Variants in OGG1 observed in about 807,000 individuals in gnomAD.
OGG1 encodes the protein 8-oxoguanine DNA glycosylase.
In OGG1, 35 loss-of-function variants were observed where a neutral mutation model predicts 42.3. The ratio of observed to expected loss-of-function variants is 0.83; its 90% CI spans 0.63 to 1.10. The LOEUF (loss-of-function observed/expected upper bound fraction) is 1.10. OGG1 is among the 50% of genes least tolerant of loss of function. OGG1 has a pLI of 0.00. For synonymous variants in OGG1, 189 were observed against 179.0 expected (o/e 1.06, Z -0.44); for missense variants, 484 against 446.7 (o/e 1.08, Z -0.75).
intron 3 of OGG1, among the ~76,000 whole-genome samples, chr3:9,784,708 T>C (rs1575298563): frequency 6.6e-6 from 1 of 151,644 alleles, no homozygotes; most frequent in African/African-American, 2.4e-5. Context: ...CTACTAAAAA[T>C]ACAAAAATGA....
chr3:9,754,184 A>G (rs905879563), intron 3 of OGG1, among the ~76,000 whole-genome samples: 8 of 152,236 alleles, frequency 5.3e-5, no homozygotes, highest in African/African-American at 1.9e-4. Flanking sequence ...ACCTAGGTGC[A>G]AGATCTTATC....
At chr3:9,755,489 G>C (rs934144117) in intron 4 of OGG1, among the ~76,000 whole-genome samples, 3 of 149,302 alleles carry the variant, frequency 2.0e-5, no homozygotes, top group Admixed American at 1.3e-4. Flanking sequence ...TTTTGAGGTG[G>C]AGTCTTGCTT....
chr3:9,765,680 G>A lies in OGG1; in HGVS notation c.1049-129G>A, dbSNP rs2078120259. 30 of 1,512,682 alleles carry A rather than the reference G, an allele frequency of 2.0e-5. No homozygotes were observed. The South Asian group carries it at 3.4e-4, about 17-fold the overall frequency. 93.7% of individuals were successfully genotyped at this position (1,512,682 alleles called of 1,614,324 possible). A position where few individuals can be genotyped will look rare whatever the true frequency, so the allele number is the denominator to read the frequency against. On this transcript the variant is annotated intron_variant, in intron 7 of 7. Coordinates refer to the OGG1 transcript ENST00000302008. Reference sequence around the variant, plus strand: ...AAGGCTTAGAGAGTTTAAATGATTTGTCCAAAGCAGGAAAGGAGGAGGATG... The same window carrying A: ...AAGGCTTAGAGAGTTTAAATGATTTATCCAAAGCAGGAAAGGAGGAGGATG...
chr3:9,775,644 GT>G (rs71052204), intron 2 of OGG1, among the ~76,000 whole-genome samples: 5,661 of 142,002 alleles, frequency 0.04, 117 homozygotes, highest in Non-Finnish European at 0.053. Flanking sequence ...ATACCCAGAG[GT>G]TTTTTTTTTT....
At chr3:9,784,170 G>A (rs772218183) in intron 3 of OGG1, 1 of 1,613,886 alleles carries the variant, frequency 6.2e-7, no homozygotes, top group East Asian at 2.2e-5. Flanking sequence ...TGGGCAATTA[G>A]CTCCTCCTTG....
chr3:9,767,856 A>G, downstream of OGG1: 1 of 1,516,244 alleles, frequency 6.6e-7, no homozygotes, highest in Non-Finnish European at 8.8e-7. Context: ...GGCCCCATTC[A>G]GTCATTCAAC....
At chr3:9,757,720 G>A (rs372282347), downstream of OGG1, 451 of 1,614,030 alleles carry the variant, frequency 2.8e-4, no homozygotes, top group African/African-American at 4.5e-4. This position sits in a 1 kb window ranked among gnomAD's most constrained non-coding sequence, Gnocchi z 4.5. Flanking sequence ...TGCAGAGCCC[G>A]CTCCTCACCC....
chr3:9,784,186 G>A (rs2078549212), intron 3 of OGG1: 5 of 1,613,800 alleles, frequency 3.1e-6, no homozygotes, highest in African/African-American at 1.3e-5. Context: ...CCTTGATGCG[G>A]CTCTCCAGGG....
In OGG1 at chr3:9,756,505, AG is replaced by A. The variant is rs1199265019; in HGVS notation, c.783del (p.Lys261AsnfsTer145). 1.9e-6 allele frequency: 3 copies of A among 1,614,036 alleles called. No homozygotes were observed. The Admixed American group carries it at 5.0e-5, about 27-fold the overall frequency. Reference protein sequence around the residue: ...ADCICLMALDKPQAVPVDVHM... With the variant: ...ADCICLMALDXPQAVPVDVHM... ...TGCATCTGCCTGATGGCCCTAGACAAGCCCCAGGCTGTGCCCGTGGATGTCC... is the reference window on the plus strand; with the variant it reads ...TGCATCTGCCTGATGGCCCTAGACAACCCCAGGCTGTGCCCGTGGATGTCC... On this transcript the variant is annotated frameshift_variant, in exon 5 of 7. Coordinates refer to ENST00000344629, the MANE Select transcript of OGG1 (RefSeq NM_002542.6). LOFTEE classifies it high-confidence loss of function.
In OGG1 at chr3:9,762,996, C is replaced by T. The variant is rs756662184; in HGVS notation, c.1049-2813C>T. 3.7e-6 allele frequency: 6 copies of T among 1,614,156 alleles called. No individual in the cohort carries two copies. Among genetic ancestry groups the T allele is most frequent in the East Asian group, 4.5e-5 (2 of 44,878 alleles). ...CTGGAAGATGAGGCGGCTGGCGTCC[C>T]GCTCCGTGTAGAAGCCTTTTTCCAC... On this transcript the variant is annotated intron_variant, in intron 7 of 7. Transcript: ENST00000302008.
downstream of OGG1, chr3:9,757,611 A>G (rs2077643500): frequency 6.2e-7 from 1 of 1,614,080 alleles, no homozygotes; most frequent in African/African-American, 1.3e-5. The surrounding 1 kb of genome is among the most constrained non-coding windows in gnomAD (Gnocchi z 4.5). Flanking sequence ...AGCAACAGCC[A>G]GCTGCCGGCC....
downstream of OGG1, chr3:9,757,596 T>A (rs1318657008): frequency 6.2e-7 from 1 of 1,614,090 alleles, no homozygotes; most frequent in Admixed American, 1.7e-5. This position sits in a 1 kb window ranked among gnomAD's most constrained non-coding sequence, Gnocchi z 4.5. Flanking sequence ...CGCAGCAGTC[T>A]CGACAGCAAC....
chr3:9,774,930 A>G (rs574742665), intron 2 of OGG1, among the ~76,000 whole-genome samples: 2 of 152,094 alleles, frequency 1.3e-5, no homozygotes, highest in Non-Finnish European at 2.9e-5. Context: ...AAATTAGGAC[A>G]AGGCTATATG....
chr3:9,776,270 C>T (rs372448607), intron 2 of OGG1, among the ~76,000 whole-genome samples: 12 of 152,262 alleles, frequency 7.9e-5, no homozygotes, highest in East Asian at 3.9e-4. Context: ...TTCTGCCCAG[C>T]AATTTTCTTT....
downstream of OGG1, chr3:9,759,533 C>G: frequency 1.2e-6 from 2 of 1,614,124 alleles, no homozygotes; most frequent in South Asian, 1.1e-5. Context: ...GCTCACTCAC[C>G]GACTGGTGGA....
downstream of OGG1, chr3:9,759,553 C>T: frequency 1.9e-6 from 3 of 1,614,168 alleles, no homozygotes; most frequent in South Asian, 1.1e-5. Context: ...ATATTCTTAT[C>T]TAGAGCTGTA....
intron 3 of OGG1, among the ~76,000 whole-genome samples, chr3:9,785,147 C>CA (rs1305138575): frequency 6.6e-5 from 10 of 152,228 alleles, no homozygotes; most frequent in African/African-American, 2.4e-4. Flanking sequence ...ACCCTGCACT[C>CA]AGTCTGTGCA....
downstream of OGG1, chr3:9,760,144 T>C (rs1448359926): frequency 4.9e-6 from 1 of 204,882 alleles, no homozygotes; most frequent in African/African-American, 2.3e-5. Context: ...CTTGGGAGGC[T>C]GAGGCAGAGA....
chr3:9,751,848 T>C lies in OGG1; in HGVS notation c.464T>C (p.Ile155Thr), dbSNP rs755619108. ...ICSSNNNIAR[I>T]TGMVERLCQA... ...TCCTCCAACAACAACATCGCCCGCATCACTGGCATGGTGGAGCGGCTGTGC... is the reference window on the plus strand; with the variant it reads ...TCCTCCAACAACAACATCGCCCGCACCACTGGCATGGTGGAGCGGCTGTGC... Residue 155 changes from isoleucine to threonine, a missense_variant, in exon 3 of 7, where the codon ATC becomes ACC. Physicochemically the swap from Ile to Thr is moderately conservative, Grantham distance 89. Coordinates refer to ENST00000344629, the MANE Select transcript of OGG1 (RefSeq NM_002542.6). The C allele has an allele frequency of 1.9e-6, 3 of 1,614,042 alleles. No individual in the cohort carries two copies. In the African/African-American group the frequency reaches 4.0e-5, roughly 22 times the overall value.
Sources: gnomAD v4.1 joint callset for allele counts (sites outside exome capture counted in the v4.1 genomes callset) on GRCh38, gnomAD v4.1.1 for gene constraint, Gnocchi (gnomAD v3.1) non-coding constraint, MANE v1.5 for transcripts, NCBI Gene and HGNC (gene_info 2026-07-23, HGNC 2026-07-21) for gene names.